PNPLA7: variants seen among roughly 807,000 people sequenced by gnomAD.
PNPLA7 encodes patatin like domain 7, lysophospholipase.
Under a neutral mutation model 161.7 loss-of-function variants are expected in PNPLA7, and 153 were observed. That is an observed-to-expected ratio of 0.95 (90% CI 0.83 to 1.08). The LOEUF is 1.08. PNPLA7 is among the 50% of genes least tolerant of loss of function. The probability of loss-of-function intolerance (pLI) is 0.00; values close to 1 mark genes in which losing one functional copy is unlikely to be tolerated. For synonymous variants in PNPLA7, 809 were observed against 782.1 expected (o/e 1.03, Z -0.57); for missense variants, 1,739 against 1,856.6 (o/e 0.94, Z 1.16).
Position 137,479,061 on chromosome 9 carries a change from T to C in PNPLA7, c.2758A>G (p.Lys920Glu), listed in dbSNP as rs534417123. The change falls in exon 24 of 35, where the codon AAG becomes GAG. Residue 920 changes from lysine (K) to glutamate (E), a missense_variant. Around this residue, in one of 6 missense-constraint regions of PNPLA7, gnomAD observed 703 missense variants for 694.6 expected, o/e 1.01. Transcript: ENST00000406427. ...RRVFSRRSLP[K>E]LVEMYKHVFQ... ...GCCTCCTCTCCCCGCCTCACCAGCT[T>C]GGGCAGGCTCCTCCTGGAGAAGACG... 17 of 1,582,624 alleles carry C rather than the reference T, an allele frequency of 1.1e-5. No homozygotes were observed. The South Asian group carries it at 1.7e-4, about 16-fold the overall frequency.
chr9:137,543,646 C>G lies in PNPLA7; in HGVS notation c.366-74G>C, dbSNP rs926812401. On this transcript the variant is annotated intron_variant, in intron 5 of 34. Coordinates refer to ENST00000406427, the MANE Select transcript of PNPLA7 (RefSeq NM_001098537.3). This position sits in a 1 kb window ranked among gnomAD's most constrained non-coding sequence, Gnocchi z 6.9. Reference sequence around the variant, plus strand: ...ACCCACAGCATCAGTGGCTGACACACCAGGCAGCTCAGGGTTGGGGAGGCC... The same window carrying G: ...ACCCACAGCATCAGTGGCTGACACAGCAGGCAGCTCAGGGTTGGGGAGGCC... 3.7e-5 allele frequency: 60 copies of G among 1,609,024 alleles called. No individual in the cohort carries two copies. The highest frequency in any genetic ancestry group is 1.3e-5 in the African/African-American group (1 of 74,858).
At chr9:137,501,482 G>C (rs1264715501) in intron 15 of PNPLA7, among the ~76,000 whole-genome samples, 168 bp downstream of exon 15, 2 of 152,234 alleles carry the variant, frequency 1.3e-5, no homozygotes, top group African/African-American at 4.8e-5. Context: ...TCAGGGCTCA[G>C]GGCTGCCTGA....
Position 137,471,455 on chromosome 9 carries a change from C to T in PNPLA7, c.2883-3982G>A, listed in dbSNP as rs764118624. 7.2e-5 allele frequency among the ~76,000 whole-genome samples: 11 copies of T among 151,874 alleles called. 1 individual carries two copies. Among genetic ancestry groups the T allele is most frequent in the Admixed American group, 2.0e-4 (3 of 15,218 alleles). On this transcript the variant is annotated intron_variant, in intron 25 of 34. Coordinates refer to ENST00000406427, the MANE Select transcript of PNPLA7 (RefSeq NM_001098537.3). ...CTCTACTAAAAATACAAAAATTAGC[C>T]GGGCGTGGTGGCAGGCACCTGTAAT...
chr9:137,462,108 G>A, intron 31 of PNPLA7, 67 bp from the exon 32 acceptor site: 5 of 1,517,822 alleles, frequency 3.3e-6, no homozygotes, highest in Non-Finnish European at 4.4e-6. Context: ...TTCTCAAAAG[G>A]GGGAAGCGAG....
intron 25 of PNPLA7, among the ~76,000 whole-genome samples, chr9:137,475,475 C>T (rs1295100381): frequency 2.6e-5 from 4 of 152,182 alleles, no homozygotes; most frequent in African/African-American, 4.8e-5. Context: ...CCCCGGTTCA[C>T]GCCATTCTCC....
At chr9:137,498,666 A>G (rs1833203885) in intron 16 of PNPLA7, among the ~76,000 whole-genome samples, 1 of 152,322 alleles carries the variant, frequency 6.6e-6, no homozygotes, top group Middle Eastern at 3.4e-3. Context: ...GGGCCTGGAT[A>G]GCACAGGGTC....
rs2132213580 is a variant in PNPLA7, at chr9:137,490,732, G to A, written c.2197+2281C>T. Among the ~76,000 whole-genome samples, 1 of 152,346 alleles carries A rather than the reference G, an allele frequency of 6.6e-6. No homozygotes were observed. The highest frequency in any genetic ancestry group is 2.1e-4 in the South Asian group (1 of 4,828). On this transcript the variant is annotated intron_variant, in intron 20 of 34. Transcript: ENST00000406427. This position sits in a 1 kb window ranked among gnomAD's most constrained non-coding sequence, Gnocchi z 4.1. ...GAAACCTGAGATGCCGCAAATGAAAGAAGAGCAGGAGGACGGTGACCCTGG... is the reference window on the plus strand; with the variant it reads ...GAAACCTGAGATGCCGCAAATGAAAAAAGAGCAGGAGGACGGTGACCCTGG...
At chr9:137,508,385 G>A (rs992296638) in intron 12 of PNPLA7, among the ~76,000 whole-genome samples, 4 of 151,720 alleles carry the variant, frequency 2.6e-5, no homozygotes, top group African/African-American at 9.7e-5. Context: ...GGCTAACACG[G>A]TGAAACCCCG....
At position 137,519,918 on chromosome 9, in the gene PNPLA7, TGA is replaced by T. The variant is rs1266176862; in HGVS notation, c.1081_1082del (p.Ser361ArgfsTer40). The T allele has an allele frequency of 1.2e-6, 2 of 1,611,996 alleles. No individual in the cohort carries two copies. Among genetic ancestry groups the T allele is most frequent in the Admixed American group, 3.3e-5 (2 of 59,916 alleles). ...KPPRLQESCDSDHGGGRPAAA... is the reference protein window; with the variant it reads ...KPPRLQESCDXDHGGGRPAAA... ...GCCCTCCTTGGTGCAGGACAGTACC[TGA>T]GTCACAGGACTCCTGGAGCCGCGGT... On this transcript the variant is annotated frameshift_variant and splice_region_variant, in exon 11 of 35. Transcript: ENST00000406427. LOFTEE classifies it high-confidence loss of function.
At chr9:137,492,921 G>T (rs978715394) in intron 20 of PNPLA7, 92 bp downstream of exon 20, 4 of 1,118,742 alleles carry the variant, frequency 3.6e-6, no homozygotes, top group Non-Finnish European at 5.1e-6. Context: ...CGGGGCCATG[G>T]GCTGGGAGGG....
chr9:137,475,713 G>A (rs950349315), intron 25 of PNPLA7, among the ~76,000 whole-genome samples: 7 of 151,710 alleles, frequency 4.6e-5, no homozygotes, highest in African/African-American at 1.7e-4. Context: ...AATCTCCTAC[G>A]AGGTTCCAGA....
At position 137,462,298 on chromosome 9, in the gene PNPLA7, C is replaced by T. The variant is rs2132052695; in HGVS notation, c.3526G>A (p.Ala1176Thr). ...LNMAEIQTRL[A>T]YVCCVRQLEV... ...AGCTGCCGCACGCAACACACGTAGGCCAGGCGCGTCTGAATCTCTGCCATG... is the reference window on the plus strand; with the variant it reads ...AGCTGCCGCACGCAACACACGTAGGTCAGGCGCGTCTGAATCTCTGCCATG... Residue 1176 changes from alanine to threonine, a missense_variant, in exon 31 of 35, where the codon GCC becomes ACC. This residue lies in a region of PNPLA7 where 703 missense variants were observed against 694.6 expected (regional missense o/e 1.01). Coordinates refer to ENST00000406427, the MANE Select transcript of PNPLA7 (RefSeq NM_001098537.3). 2 of 1,610,464 alleles carry T rather than the reference C, an allele frequency of 1.2e-6. No homozygotes were observed. Among genetic ancestry groups the T allele is most frequent in the South Asian group, 1.1e-5 (1 of 90,812 alleles).
intron 34 of PNPLA7, 68 bp from the exon 35 acceptor site, chr9:137,460,544 G>C (rs564045672): frequency 2.5e-6 from 4 of 1,597,212 alleles, no homozygotes; most frequent in Non-Finnish European, 3.4e-6. Context: ...CTGGTAACCC[G>C]GTGGGACCAC....
chr9:137,473,470 C>T (rs1395550314), intron 25 of PNPLA7, among the ~76,000 whole-genome samples: 1 of 152,180 alleles, frequency 6.6e-6, no homozygotes, highest in African/African-American at 2.4e-5. Context: ...GAAAATCACA[C>T]TTCAAAATTT....
Position 137,467,244 on chromosome 9 carries a change from G to T in PNPLA7, c.3039+73C>A. 6.6e-7 allele frequency: 1 copy of T among 1,510,280 alleles called. No homozygotes were observed. 93.6% of individuals were successfully genotyped at this position (1,510,280 alleles called of 1,614,324 possible). Reference sequence around the variant, plus strand: ...TGCAGAGCCACATGCAGAGGCCAACGGCCCCAGCGTCCCCCAGCACCAGCA... The same window carrying T: ...TGCAGAGCCACATGCAGAGGCCAACTGCCCCAGCGTCCCCCAGCACCAGCA... On this transcript the variant is annotated intron_variant, in intron 26 of 34. Coordinates refer to ENST00000406427, the MANE Select transcript of PNPLA7 (RefSeq NM_001098537.3). This position sits in a 1 kb window ranked among gnomAD's most constrained non-coding sequence, Gnocchi z 5.1.
chr9:137,520,171 G>A lies in PNPLA7; in HGVS notation c.958-128C>T, dbSNP rs1564346911. 3.0e-6 allele frequency: 4 copies of A among 1,319,436 alleles called. No homozygotes were observed. In the South Asian group the frequency reaches 4.1e-5, roughly 14 times the overall value. 81.7% of individuals were successfully genotyped at this position (1,319,436 alleles called of 1,614,324 possible). A position where few individuals can be genotyped will look rare whatever the true frequency, so the allele number is the denominator to read the frequency against. On this transcript the variant is annotated intron_variant, in intron 10 of 34. Transcript: ENST00000406427. The surrounding 1 kb of genome is among the most constrained non-coding windows in gnomAD (Gnocchi z 5.2). ...TGTGACAGGTGTGGGCCCCTCAAAG[G>A]TGTGACAGGTGTGGGACTCTCAAAG...
chr9:137,492,925 G>T (rs1832849515), intron 20 of PNPLA7, 88 bp downstream of exon 20: 3 of 1,184,340 alleles, frequency 2.5e-6, no homozygotes, highest in Non-Finnish European at 3.6e-6. Flanking sequence ...GCCATGGGCT[G>T]GGAGGGCGGG....
At position 137,479,148 on chromosome 9, in the gene PNPLA7, C is replaced by T. The variant is rs748392944; in HGVS notation, c.2671G>A (p.Val891Met). Residue 891 changes from valine (V) to methionine (M), a missense_variant, in exon 24 of 35, where the codon GTG becomes ATG. Val to Met is a conservative substitution (Grantham distance 21). Coordinates refer to ENST00000406427, the MANE Select transcript of PNPLA7 (RefSeq NM_001098537.3). ...CAGCTCCGCATGTTGAGCCACTCCA[C>T]GGTGCGCGCTGGCGCCGGGCCCTCC... The part of the protein sequence containing the change: ...REEGPAPART[V>M]EWLNMRSWCS... 36 of 1,585,624 alleles carry T rather than the reference C, an allele frequency of 2.3e-5. No individual in the cohort carries two copies. In the Admixed American group the frequency reaches 2.3e-4, roughly 10 times the overall value.
rs992879372 is a variant in PNPLA7, at chr9:137,540,401, A to C, written c.747+241T>G. ...ACATGCATTTATGACCCAGTTCAACAACAGTCATTTAAGAGACAACCAAAA... is the reference window on the plus strand; with the variant it reads ...ACATGCATTTATGACCCAGTTCAACCACAGTCATTTAAGAGACAACCAAAA... On this transcript the variant is annotated intron_variant, in intron 8 of 34. Coordinates refer to ENST00000406427, the MANE Select transcript of PNPLA7 (RefSeq NM_001098537.3). The surrounding 1 kb of genome is among the most constrained non-coding windows in gnomAD (Gnocchi z 5.1). 2.0e-5 allele frequency among the ~76,000 whole-genome samples: 3 copies of C among 152,218 alleles called. No individual in the cohort carries two copies. The highest frequency in any genetic ancestry group is 2.9e-5 in the Non-Finnish European group (2 of 68,036).
Sources: gnomAD v4.1 joint callset for allele counts (sites outside exome capture counted in the v4.1 genomes callset) on GRCh38, gnomAD v4.1.1 for gene constraint, gnomAD v4.1.1 regional missense constraint, Gnocchi (gnomAD v3.1) non-coding constraint, MANE v1.5 for transcripts, NCBI Gene and HGNC (gene_info 2026-07-23, HGNC 2026-07-21) for gene names.